The following TUSC2 variants were observed in gnomAD, a reference collection of about 807,000 sequenced individuals.
TUSC2 encodes tumor suppressor 2, mitochondrial calcium regulator, also known as tumor suppressor candidate 2.
A neutral mutation model predicts 11.5 loss-of-function variants in TUSC2; 7 were observed. That is an observed-to-expected ratio of 0.61 (90% confidence interval 0.35 to 1.14). The LOEUF is 1.14. TUSC2 is among the 50% of genes most tolerant of loss of function. TUSC2 has a pLI of 0.03. For synonymous variants in TUSC2, 61 were observed against 64.1 expected (o/e 0.95, Z 0.23); for missense variants, 132 against 155.0 (o/e 0.85, Z 0.79).
Position 50,326,417 on chromosome 3 carries a change from G to A in TUSC2, c.207C>T (p.Val69=). The change falls in exon 2 of 3, where the codon GTC becomes GTT. Residue 69 remains valine, a synonymous_variant. Transcript: ENST00000232496. ...TGGCCCGCTTCTGCCCGTTCTTGGT[G>A]ACGATTGTCTCCTCATAGAACTCGT... ...LAHEFYEETI[V]TKNGQKRAKL... The A allele has an allele frequency of 6.2e-7, 1 of 1,613,908 alleles. No individual in the cohort carries two copies. Among genetic ancestry groups the A allele is most frequent in the Non-Finnish European group, 8.5e-7 (1 of 1,179,976 alleles).
rs1159022735 is a variant in TUSC2, at chr3:50,325,016, G to C, written c.*1105C>G. On this transcript the variant is annotated 3_prime_UTR_variant, in exon 3 of 3. Coordinates refer to ENST00000232496, the MANE Select transcript of TUSC2 (RefSeq NM_007275.3). The surrounding 1 kb of genome is among the most constrained non-coding windows in gnomAD (Gnocchi z 5.1). ...ATTTCCCACATTATAGAAGCACAGA[G>C]CTTGCACAGTACTTAAAAAAAAAGT... 1.3e-5 allele frequency: 2 copies of C among 152,536 alleles called. No homozygotes were observed. The highest frequency in any genetic ancestry group is 4.8e-5 in the African/African-American group (2 of 41,432). 9.4% of individuals were successfully genotyped at this position (152,536 alleles called of 1,614,324 possible).
intron 1 of TUSC2, 40 bp from the exon 2 acceptor site, chr3:50,326,517 C>T: frequency 6.2e-7 from 1 of 1,606,698 alleles, no homozygotes; most frequent in Non-Finnish European, 8.5e-7. Context: ...GCTGGAGCCC[C>T]ACACCTGGGC....
Position 50,326,473 on chromosome 3 carries a change from T to C in TUSC2, c.151A>G (p.Met51Val), listed in dbSNP as rs1553717418. ...PPFVFTRRGS[M>V]FYDEDGDLAH... is the part of the protein sequence containing the mutation. ...AGATCCCCATCCTCATCATAGAACA[T>C]AGAGCTGTGTAGAGGGAGAAGGAAA... Residue 51 changes from methionine (M) to valine (V), a missense_variant, in exon 2 of 3, where the codon ATG becomes GTG. Met to Val is a conservative substitution (Grantham distance 21). Transcript: ENST00000232496. 7 of 1,613,782 alleles carry C rather than the reference T, an allele frequency of 4.3e-6. No homozygotes were observed. The highest frequency in any genetic ancestry group is 5.9e-6 in the Non-Finnish European group (7 of 1,179,962).
Position 50,327,998 on chromosome 3 carries a change from C to A in TUSC2, c.102G>T (p.Arg34=), listed in dbSNP as rs1702812064. ...EAAGAEQALV[R]PRGRAVPPFV... ...AGGGGGGCACAGCTCGGCCCCGAGG[C>A]CGCACCAAAGCTTGCTCAGCTCCTG... is the stretch of plus-strand genomic sequence containing the variant. The change falls in exon 1 of 3, where the codon CGG becomes CGT. Residue 34 remains arginine (R), a synonymous_variant. Coordinates refer to ENST00000232496, the MANE Select transcript of TUSC2 (RefSeq NM_007275.3). 1 of 1,540,972 alleles carries A rather than the reference C, an allele frequency of 6.5e-7. No homozygotes were observed.
At chr3:50,326,920 C>T (rs1367934554) in intron 1 of TUSC2, 4 of 329,038 alleles carry the variant, frequency 1.2e-5, no homozygotes, top group Non-Finnish European at 2.4e-5. Flanking sequence ...GCCTGGCCTG[C>T]CTGGAGAATC....
At chr3:50,327,189 G>A (rs1553717491) in intron 1 of TUSC2, 1 of 456,624 alleles carries the variant, frequency 2.2e-6, no homozygotes. Flanking sequence ...GATGCTGCTG[G>A]CCCAGTGTCA....
In TUSC2 at chr3:50,326,963, A is replaced by G. The variant is rs1268177822; in HGVS notation, c.147-486T>C. 6 of 336,278 alleles carry G rather than the reference A, an allele frequency of 1.8e-5. No homozygotes were observed. The Admixed American group carries it at 2.0e-4, about 11-fold the overall frequency. 20.8% of individuals were successfully genotyped at this position (336,278 alleles called of 1,614,324 possible). A position where few individuals can be genotyped will look rare whatever the true frequency, so the allele number is the denominator to read the frequency against. ...TGGGGTTTGGGGTCTACTAGAAGAAAGTGGGAAGTGAGGTGATGGGTGGGC... is the reference window on the plus strand; with the variant it reads ...TGGGGTTTGGGGTCTACTAGAAGAAGGTGGGAAGTGAGGTGATGGGTGGGC... On this transcript the variant is annotated intron_variant, in intron 1 of 2. Coordinates refer to ENST00000232496, the MANE Select transcript of TUSC2 (RefSeq NM_007275.3).
rs1553717599 is a variant in TUSC2, at chr3:50,327,973, AG to A, written c.126del (p.Phe43SerfsTer37). On this transcript the variant is annotated frameshift_variant, in exon 1 of 3. Transcript: ENST00000232496. LOFTEE classifies it high-confidence loss of function. ...CCTTACCCGCGGCGCGTGAATACGA[AG>A]GGGGGCACAGCTCGGCCCCGAGGCC... ...LVRPRGRAVP[P>X]FVFTRRGSMF... 2 of 1,540,280 alleles carry A rather than the reference AG, an allele frequency of 1.3e-6. No homozygotes were observed. Among genetic ancestry groups the A allele is most frequent in the Non-Finnish European group, 1.7e-6 (2 of 1,146,392 alleles).
intron 1 of TUSC2, chr3:50,326,955 TAGA>T (rs1553717463): frequency 3.0e-6 from 1 of 337,484 alleles, no homozygotes; most frequent in Non-Finnish European, 5.8e-6. Context: ...TGGGGTCTAC[TAGA>T]AGAAAGTGGG....
chr3:50,328,058 G>C lies in TUSC2; in HGVS notation c.42C>G (p.Phe14Leu), dbSNP rs1553717645. 1.3e-6 allele frequency: 2 copies of C among 1,491,904 alleles called. No homozygotes were observed. The highest frequency in any genetic ancestry group is 2.5e-5 in the South Asian group (2 of 79,016). 92.4% of individuals were successfully genotyped at this position (1,491,904 alleles called of 1,614,324 possible). Residue 14 changes from phenylalanine (F) to leucine (L), a missense_variant, in exon 1 of 3, where the codon TTC (phenylalanine) becomes TTG (leucine). Transcript: ENST00000232496. ...SGSKARGLWP[F>L]ASAAGGGGSE... is the part of the protein sequence containing the mutation. ...AGCCGCCGCCTCCGGCCGCCGAGGC[G>C]AAGGGCCACAGGCCCCGAGCTTTGG... is the stretch of plus-strand genomic sequence containing the variant.
Position 50,327,977 on chromosome 3 carries a change from G to A in TUSC2, c.123C>T (p.Pro41=), listed in dbSNP as rs782199299. Residue 41 remains proline (P), a synonymous_variant, in exon 1 of 3, where the codon CCC becomes CCT. Transcript: ENST00000232496. ...ALVRPRGRAV[P]PFVFTRRGSM... is the part of the protein sequence containing the mutation. The stretch of plus-strand genomic sequence containing the variant: ...ACCCGCGGCGCGTGAATACGAAGGG[G>A]GGCACAGCTCGGCCCCGAGGCCGCA... 9 of 1,543,050 alleles carry A rather than the reference G, an allele frequency of 5.8e-6. No individual in the cohort carries two copies. The highest frequency in any genetic ancestry group is 2.8e-5 in the African/African-American group (2 of 70,498).
chr3:50,327,799 C>T (rs1482192634), intron 1 of TUSC2, among the ~76,000 whole-genome samples, 155 bp downstream of exon 1: 1 of 152,230 alleles, frequency 6.6e-6, no homozygotes, highest in Non-Finnish European at 1.5e-5. Flanking sequence ...GAGACCACTG[C>T]CCGGCTTTCT....
intron 2 of TUSC2, 81 bp from the exon 3 acceptor site, chr3:50,326,267 C>G (rs1039134793): frequency 1.2e-5 from 20 of 1,611,656 alleles, no homozygotes; most frequent in African/African-American, 4.0e-5. Context: ...CAGATCCCCC[C>G]GCAAAAGCCC....
At position 50,326,404 on chromosome 3, in the gene TUSC2, G is replaced by A; in HGVS notation, c.220C>T (p.Gln74Ter). 6.2e-7 allele frequency: 1 copy of A among 1,613,892 alleles called. No individual in the cohort carries two copies. The highest frequency in any genetic ancestry group is 8.5e-7 in the Non-Finnish European group (1 of 1,179,994). The change falls in exon 2 of 3, where the codon CAG (glutamine) becomes TAG (stop). Residue 74 changes from glutamine (Q) to a stop codon, truncating the protein, a stop_gained. Transcript: ENST00000232496. LOFTEE classifies it high-confidence loss of function. ...YEETIVTKNG[Q>*]KRAKLRRVHK... ...ACTCGCCTCAGCTTGGCCCGCTTCT[G>A]CCCGTTCTTGGTGACGATTGTCTCC...
rs587724868 is a variant in TUSC2 at position 50,326,063 on chromosome 3, T to A, written c.*58A>T. On this transcript the variant is annotated 3_prime_UTR_variant, in exon 3 of 3. Transcript: ENST00000232496. ...CTCCTCAATGGAAGCCACACCTTGA[T>A]TGAGCCTGGGAGTTTCTTGCCGGGG... 1 of 1,548,502 alleles carries A rather than the reference T, an allele frequency of 6.5e-7. No homozygotes were observed. Among genetic ancestry groups the A allele is most frequent in the African/African-American group, 1.4e-5 (1 of 73,128 alleles).
chr3:50,327,593 C>G (rs782383358), intron 1 of TUSC2, among the ~76,000 whole-genome samples: 3 of 152,146 alleles, frequency 2.0e-5, no homozygotes, highest in Non-Finnish European at 4.4e-5. Context: ...GTTATTATCC[C>G]CTTGGAATAA....
In TUSC2 at chr3:50,326,192, A is replaced by G. The variant is rs782193945; in HGVS notation, c.268-6T>C. 3 of 1,604,242 alleles carry G rather than the reference A, an allele frequency of 1.9e-6. No homozygotes were observed. The highest frequency in any genetic ancestry group is 2.2e-5 in the South Asian group (2 of 89,620). ...TGATCCAGCTTCACGATGCCCTGCC[A>G]TGGAAACAGAGGCTAGTAAGGGTCA... is the stretch of plus-strand genomic sequence containing the variant. On this transcript the variant is annotated splice_region_variant and splice_polypyrimidine_tract_variant and intron_variant, in intron 2 of 2. Transcript: ENST00000232496.
intron 2 of TUSC2, 22 bp from the exon 3 acceptor site, chr3:50,326,208 G>GT: frequency 6.2e-7 from 1 of 1,605,086 alleles, no homozygotes; most frequent in Admixed American, 1.7e-5. Flanking sequence ...ACAGAGGCTA[G>GT]TAAGGGTCAG....
At chr3:50,327,917 C>G (rs781850216) in intron 1 of TUSC2, 37 bp downstream of exon 1, 1 of 1,405,098 alleles carries the variant, frequency 7.1e-7, no homozygotes, top group Non-Finnish European at 9.3e-7. Context: ...TGGCCGCCCG[C>G]CTGTTCCCCC....
Sources: gnomAD v4.1 joint callset for allele counts (sites outside exome capture counted in the v4.1 genomes callset) on GRCh38, gnomAD v4.1.1 for gene constraint, Gnocchi (gnomAD v3.1) non-coding constraint, MANE v1.5 for transcripts, NCBI Gene and HGNC (gene_info 2026-07-23, HGNC 2026-07-21) for gene names.